The following DPP6 variants were observed in gnomAD, a reference collection of about 807,000 sequenced individuals.
DPP6 encodes dipeptidyl peptidase like 6.
Under a neutral mutation model 122.6 loss-of-function variants are expected in DPP6, and 69 were observed. That is an observed-to-expected ratio of 0.56 (90% CI 0.46 to 0.69). The LOEUF is 0.69. Ranked by LOEUF, DPP6 falls within the 30% of genes least tolerant of loss-of-function variation. DPP6 has a pLI of 0.00. For missense variants in DPP6, 928 were observed against 1,116.9 expected (o/e 0.83, Z 2.41); for synonymous variants, 418 against 433.1 (o/e 0.97, Z 0.43).
chr7:154,268,390 G>A (rs1439158195), intron 1 of DPP6, among the ~76,000 whole-genome samples: 1 of 152,194 alleles, frequency 6.6e-6, no homozygotes, highest in Non-Finnish European at 1.5e-5. Flanking sequence ...TCAGCATCTG[G>A]TGAGGGCCCG....
chr7:154,667,631 G>T (rs1396830386), intron 6 of DPP6, among the ~76,000 whole-genome samples: 2 of 152,152 alleles, frequency 1.3e-5, no homozygotes, highest in East Asian at 1.9e-4. Context: ...GCTGAGGCAG[G>T]AGAATCACTT....
intron 4 of DPP6, among the ~76,000 whole-genome samples, chr7:154,552,209 G>A (rs1001169014): frequency 1.6e-4 from 24 of 152,096 alleles, no homozygotes; most frequent in Admixed American, 9.2e-4. Flanking sequence ...GCTTTCCATC[G>A]TGATTGTTTT....
intron 6 of DPP6, among the ~76,000 whole-genome samples, chr7:154,642,745 A>C (rs11243346): frequency 1.7e-4 from 26 of 152,024 alleles, no homozygotes; most frequent in African/African-American, 6.3e-4. Flanking sequence ...AGCCTGGCCA[A>C]CATGGTGAAA....
intron 18 of DPP6, among the ~76,000 whole-genome samples, chr7:154,870,510 G>A (rs1165952709): frequency 6.6e-6 from 1 of 152,074 alleles, no homozygotes; most frequent in Non-Finnish European, 1.5e-5. Context: ...GGAGGCTGAG[G>A]CACGAGAATC....
the DPP6 span, among the ~76,000 whole-genome samples, chr7:153,793,206 G>A: frequency 6.6e-6 from 1 of 151,984 alleles, no homozygotes; most frequent in Non-Finnish European, 1.5e-5. Context: ...AAGAAGACAG[G>A]AAAATGTGGG....
rs142909311 is a variant in DPP6 at position 153,987,674 on chromosome 7, G to C, written c.51+99940G>C. The stretch of plus-strand genomic sequence containing the variant: ...GGCATGCTGACCATAACTAGGGTCA[G>C]TCACCATCGGAGGACCCAGCAGAGA... On this transcript the variant is annotated intron_variant, in intron 1 of 25. Transcript: ENST00000404039. 3.9e-3 allele frequency among the ~76,000 whole-genome samples: 592 copies of C among 152,238 alleles called. 3 individuals carry two copies. The highest frequency in any genetic ancestry group is 0.013 in the African/African-American group (558 of 41,530).
intron 1 of DPP6, among the ~76,000 whole-genome samples, chr7:154,013,661 A>T (rs1798264150): frequency 6.6e-6 from 1 of 151,862 alleles, no homozygotes; most frequent in Non-Finnish European, 1.5e-5. Context: ...TCTCTGTAGA[A>T]GGATTGCACA....
At chr7:154,859,157 G>T (rs774860834) in intron 17 of DPP6, among the ~76,000 whole-genome samples, 1 of 152,228 alleles carries the variant, frequency 6.6e-6, no homozygotes, top group African/African-American at 2.4e-5. Flanking sequence ...CTGAGCTGCT[G>T]GTCAAAAATC....
intron 1 of DPP6, among the ~76,000 whole-genome samples, chr7:154,290,304 A>C (rs1177360038): frequency 6.6e-6 from 1 of 152,180 alleles, no homozygotes; most frequent in East Asian, 1.9e-4. Context: ...GTTTTACTTC[A>C]GGCACTTCTT....
At chr7:154,415,764 A>C (rs1816964926) in intron 1 of DPP6, among the ~76,000 whole-genome samples, 1 of 149,570 alleles carries the variant, frequency 6.7e-6, no homozygotes, top group Non-Finnish European at 1.5e-5. Context: ...GGAGAAGTGC[A>C]TTTTCAGTAC....
chr7:154,423,480 G>C (rs955066033), intron 1 of DPP6, among the ~76,000 whole-genome samples: 11 of 152,202 alleles, frequency 7.2e-5, no homozygotes, highest in Admixed American at 5.2e-4. Flanking sequence ...GGACAGCCAG[G>C]GCCATCCTAG....
chr7:154,828,278 G>A (rs754227205), intron 16 of DPP6, among the ~76,000 whole-genome samples: 24 of 151,522 alleles, frequency 1.6e-4, no homozygotes, highest in Non-Finnish European at 3.4e-4. Context: ...CCTTTGCCCT[G>A]TACTTGCAGC....
intron 5 of DPP6, among the ~76,000 whole-genome samples, chr7:154,577,605 A>G (rs1016865434): frequency 7.2e-5 from 11 of 152,196 alleles, no homozygotes; most frequent in Non-Finnish European, 1.3e-4. Flanking sequence ...TGAACCAGTG[A>G]CATGCCTGTA....
chr7:154,104,386 T>C (rs1405682455), intron 1 of DPP6, among the ~76,000 whole-genome samples: 3 of 152,240 alleles, frequency 2.0e-5, no homozygotes, highest in Admixed American at 6.5e-5. Flanking sequence ...GTATGATATA[T>C]GGCTGGGGAG....
At chr7:154,820,705 C>T (rs778024058) in intron 16 of DPP6, among the ~76,000 whole-genome samples, 4 of 151,950 alleles carry the variant, frequency 2.6e-5, no homozygotes, top group Non-Finnish European at 5.9e-5. Flanking sequence ...ATAGATCCAA[C>T]GAATGTAATC....
the DPP6 span, among the ~76,000 whole-genome samples, chr7:153,823,319 CCTT>C: frequency 1.3e-5 from 2 of 151,664 alleles, no homozygotes; most frequent in Non-Finnish European, 2.9e-5. Context: ...CACCTGATCT[CCTT>C]CTCTTCCAGA....
the DPP6 span, among the ~76,000 whole-genome samples, chr7:153,840,472 G>A: frequency 6.7e-6 from 1 of 149,848 alleles, no homozygotes; most frequent in African/African-American, 2.4e-5. Context: ...AATTTTCTGA[G>A]AGCAGAATAA....
At chr7:154,493,108 A>G (rs2151390703) in intron 3 of DPP6, among the ~76,000 whole-genome samples, 1 of 152,172 alleles carries the variant, frequency 6.6e-6, no homozygotes, top group East Asian at 1.9e-4. Flanking sequence ...TTGATATGGG[A>G]CCCATCAAAG....
chr7:154,406,251 T>C (rs1250748673), intron 1 of DPP6, among the ~76,000 whole-genome samples: 2 of 152,176 alleles, frequency 1.3e-5, no homozygotes, highest in Non-Finnish European at 2.9e-5. Flanking sequence ...GTGCTTTTCA[T>C]ACGGTTTTCA....
Sources: allele counts gnomAD v4.1 joint callset (sites outside exome capture counted in the v4.1 genomes callset), GRCh38; gene constraint gnomAD v4.1.1; transcripts MANE v1.5; gene names NCBI Gene and HGNC (gene_info 2026-07-23, HGNC 2026-07-21).